MID1IP1: variants seen among roughly 807,000 people sequenced by gnomAD.
MID1IP1 encodes mid1-interacting protein 1.
Under a neutral mutation model 6.8 loss-of-function variants are expected in MID1IP1, and 3 were observed. The ratio of observed to expected loss-of-function variants is 0.44; its 90% CI spans 0.20 to 1.14. The LOEUF is 1.14. MID1IP1 is among the 50% of genes most tolerant of loss of function. The probability of loss-of-function intolerance (pLI) is 0.26; values close to 1 mark genes in which losing one functional copy is unlikely to be tolerated. For synonymous variants in MID1IP1, 87 were observed against 70.4 expected, an observed-to-expected ratio of 1.24 and a Z score of -1.18; for missense variants, 127 against 158.4, an observed-to-expected ratio of 0.80 and a Z score of 1.06.
In MID1IP1 at chrX:38,803,711, G is replaced by C. The variant is rs1465132523; in HGVS notation, c.-967G>C. On this transcript the variant is annotated 5_prime_UTR_variant, in exon 2 of 3. Coordinates refer to ENST00000614558, the MANE Select transcript of MID1IP1 (RefSeq NM_021242.6). ...TGCCCGGTCACCCTTTATTACGTAA[G>C]AGTCCCAGGATGGAGTTGTACCTGC... 8.9e-6 allele frequency: 1 copy of C among 112,726 alleles called. No homozygotes were observed. Among genetic ancestry groups the C allele is most frequent in the African/African-American group, 3.2e-5 (1 of 31,002 alleles). The allele number at this position is 112,726 out of a possible 1,213,427, so 9.3% of individuals were successfully genotyped here.
At position 38,805,491 on chromosome X, in the gene MID1IP1, G is replaced by A. The variant is rs143008624; in HGVS notation, c.545G>A (p.Gly182Asp). 4,206 of 1,204,749 alleles carry A rather than the reference G, an allele frequency of 3.5e-3. 9 individuals carry two copies. The highest frequency in any genetic ancestry group is 4.5e-3 in the Admixed American group (202 of 45,392). ...CAGGAGATCGGCTTCGGCAATTGGG[G>A]CCACTGAGGCGTGGCGCCCGTGGCT... The part of the protein sequence containing the change: ...YKQEIGFGNW[G>D]H Residue 182 changes from glycine (G) to aspartate (D), a missense_variant, in exon 3 of 3, where the codon GGC (glycine) becomes GAC (aspartate). Transcript: ENST00000614558.
Position 38,805,223 on chromosome X carries a change from CTTCTCAA to C in MID1IP1, c.278_284del (p.Leu93ArgfsTer148), listed in dbSNP as rs1275703797. The C allele has an allele frequency of 8.3e-7, 1 of 1,201,789 alleles. No homozygotes were observed. Among genetic ancestry groups the C allele is most frequent in the Non-Finnish European group, 1.1e-6 (1 of 890,294 alleles). ...TCGGGACATGTACAGCCACTACGTGCTTCTCAAGTCCATCCGCAACGACATCGAGTGG... is the reference window on the plus strand; with the variant it reads ...TCGGGACATGTACAGCCACTACGTGCGTCCATCCGCAACGACATCGAGTGG... On this transcript the variant is annotated frameshift_variant, in exon 3 of 3. Transcript: ENST00000614558. LOFTEE classifies it high-confidence loss of function.
At chrX:38,804,659 C>T (rs762487529) in intron 2 of MID1IP1, 24 bp from the exon 3 acceptor site, 7 of 305,095 alleles carry the variant, frequency 2.3e-5, no homozygotes, top group East Asian at 2.0e-4. Context: ...CTAATCTGTT[C>T]TTTCGTCTCC....
At position 38,805,445 on chromosome X, in the gene MID1IP1, A is replaced by G. The variant is rs1463808102; in HGVS notation, c.499A>G (p.Ile167Val). The G allele has an allele frequency of 8.3e-7, 1 of 1,205,917 alleles. No homozygotes were observed. The highest frequency in any genetic ancestry group is 1.1e-6 in the Non-Finnish European group (1 of 894,328). ...CTCGAAACTCACGCGCAAAGCCAAC[A>G]TCCTCACTAACAGATACAAGCAGGA... Reference protein sequence around the residue: ...VLSKLTRKANILTNRYKQEIG... With the variant: ...VLSKLTRKANVLTNRYKQEIG... The change falls in exon 3 of 3, where the codon ATC becomes GTC. Residue 167 changes from isoleucine to valine, a missense_variant. Coordinates refer to ENST00000614558, the MANE Select transcript of MID1IP1 (RefSeq NM_021242.6).
rs1251151670 is a variant in MID1IP1 at position 38,805,643 on chromosome X, G to A, written c.*145G>A. 6.4e-5 allele frequency: 35 copies of A among 548,164 alleles called. No homozygotes were observed. The highest frequency in any genetic ancestry group is 1.8e-5 in the Non-Finnish European group (6 of 341,003). The allele number at this position is 548,164 out of a possible 1,213,427, so 45.2% of individuals were successfully genotyped here. A position where few individuals can be genotyped will look rare whatever the true frequency, so the allele number is the denominator to read the frequency against. ...GCTGCGTACGTGCAGGAGGCGCGGT[G>A]GGGCTGCGTGGAGGAGGGGGCCACG... On this transcript the variant is annotated 3_prime_UTR_variant, in exon 3 of 3. Transcript: ENST00000614558.
At chrX:38,804,499 G>GGA (rs2070493208) in intron 2 of MID1IP1, 86 bp downstream of exon 2, 2 of 120,290 alleles carry the variant, frequency 1.7e-5, no homozygotes, top group South Asian at 7.0e-4. Context: ...GGTGGTGGGG[G>GGA]GACACCCTTC....
rs1378155847 is a variant in MID1IP1, at chrX:38,805,536, C to T, written c.*38C>T. ...GTGGCTGCCCAGCACCTTCTTCGAC[C>T]CATCTCACCCTCTCTCATTCCTCAA... On this transcript the variant is annotated 3_prime_UTR_variant, in exon 3 of 3. Transcript: ENST00000614558. 8.8e-7 allele frequency: 1 copy of T among 1,134,248 alleles called. No individual in the cohort carries two copies. The highest frequency in any genetic ancestry group is 1.2e-6 in the Non-Finnish European group (1 of 831,768). 93.5% of individuals were successfully genotyped at this position (1,134,248 alleles called of 1,213,427 possible).
Position 38,805,271 on chromosome X carries a change from C to T in MID1IP1, c.325C>T (p.Pro109Ser), listed in dbSNP as rs750447917. ...CATCGAGTGGGGGGTCCTGCACCAG[C>T]CGCCTCCACCGGCTGGGAGCGAGGA... is the stretch of plus-strand genomic sequence containing the variant. ...NDIEWGVLHQ[P>S]PPPAGSEEGS... Residue 109 changes from proline (P) to serine (S), a missense_variant, in exon 3 of 3, where the codon CCG becomes TCG. Transcript: ENST00000614558. 6 of 1,198,023 alleles carry T rather than the reference C, an allele frequency of 5.0e-6. No individual in the cohort carries two copies. In the African/African-American group the frequency reaches 8.8e-5, roughly 18 times the overall value.
Position 38,802,599 on chromosome X carries a change from G to C in MID1IP1, c.-2079G>C, listed in dbSNP as rs1460156990. ...GACAATTAGGAAGATGGTTTTCTAT[G>C]GAAAATATTTAAGTGTAGGTCTTAA... is the stretch of plus-strand genomic sequence containing the variant. On this transcript the variant is annotated 5_prime_UTR_variant, in exon 2 of 3. An upstream start codon of the reference 5' UTR is lost. Coordinates refer to ENST00000614558, the MANE Select transcript of MID1IP1 (RefSeq NM_021242.6). The C allele has an allele frequency of 8.9e-6, 1 of 111,868 alleles. No individual in the cohort carries two copies. The highest frequency in any genetic ancestry group is 1.9e-5 in the Non-Finnish European group (1 of 53,175). 9.2% of individuals were successfully genotyped at this position (111,868 alleles called of 1,213,427 possible).
In MID1IP1 at chrX:38,803,741, G is replaced by C. The variant is rs1416017721; in HGVS notation, c.-937G>C. On this transcript the variant is annotated 5_prime_UTR_variant, in exon 2 of 3. Transcript: ENST00000614558. The stretch of plus-strand genomic sequence containing the variant: ...CCAGGATGGAGTTGTACCTGCTGCC[G>C]GCCCCTCTTCCCCGACGGCTAATAA... 2.7e-5 allele frequency: 3 copies of C among 112,614 alleles called. No individual in the cohort carries two copies. Among genetic ancestry groups the C allele is most frequent in the Admixed American group, 9.3e-5 (1 of 10,779 alleles). The allele number at this position is 112,614 out of a possible 1,213,427, so 9.3% of individuals were successfully genotyped here.
Position 38,804,849 on chromosome X carries a change from G to A in MID1IP1, c.-98G>A. The A allele has an allele frequency of 1.1e-6, 1 of 909,626 alleles. No individual in the cohort carries two copies. The highest frequency in any genetic ancestry group is 1.5e-6 in the Non-Finnish European group (1 of 670,623). The allele number at this position is 909,626 out of a possible 1,213,427, so 75.0% of individuals were successfully genotyped here. A position where few individuals can be genotyped will look rare whatever the true frequency, so the allele number is the denominator to read the frequency against. ...CACCGGCTATAGCCAGGCCCCCAGC[G>A]CGGGCCTTGGAGAGCGCGTGAAGGC... On this transcript the variant is annotated 5_prime_UTR_variant, in exon 3 of 3. Coordinates refer to ENST00000614558, the MANE Select transcript of MID1IP1 (RefSeq NM_021242.6).
At position 38,804,772 on chromosome X, in the gene MID1IP1, T is replaced by C. The variant is rs774290149; in HGVS notation, c.-175T>C. On this transcript the variant is annotated 5_prime_UTR_variant, in exon 3 of 3. Coordinates refer to ENST00000614558, the MANE Select transcript of MID1IP1 (RefSeq NM_021242.6). ...AGCCGCCCATCCCGCAGGGCCGGTCTGCCAGCGAGACGAGAGTTGGCGAGG... is the reference window on the plus strand; with the variant it reads ...AGCCGCCCATCCCGCAGGGCCGGTCCGCCAGCGAGACGAGAGTTGGCGAGG... The C allele has an allele frequency of 3.5e-4, 170 of 489,678 alleles. No individual in the cohort carries two copies. In the African/African-American group the frequency reaches 3.8e-3, roughly 11 times the overall value. The allele number at this position is 489,678 out of a possible 1,213,427, so 40.4% of individuals were successfully genotyped here.
chrX:38,804,844 C>G lies in MID1IP1; in HGVS notation c.-103C>G. On this transcript the variant is annotated 5_prime_UTR_variant, in exon 3 of 3. Transcript: ENST00000614558. Reference sequence around the variant, plus strand: ...CGCCACACCGGCTATAGCCAGGCCCCCAGCGCGGGCCTTGGAGAGCGCGTG... The same window carrying G: ...CGCCACACCGGCTATAGCCAGGCCCGCAGCGCGGGCCTTGGAGAGCGCGTG... The G allele has an allele frequency of 2.3e-6, 2 of 874,643 alleles. No homozygotes were observed. Among genetic ancestry groups the G allele is most frequent in the Non-Finnish European group, 1.6e-6 (1 of 639,466 alleles). The allele number at this position is 874,643 out of a possible 1,213,427, so 72.1% of individuals were successfully genotyped here. A position where few individuals can be genotyped will look rare whatever the true frequency, so the allele number is the denominator to read the frequency against.
At position 38,802,714 on chromosome X, in the gene MID1IP1, G is replaced by A. The variant is rs1430772910; in HGVS notation, c.-1964G>A. 1.8e-5 allele frequency: 2 copies of A among 111,681 alleles called. No homozygotes were observed. Among genetic ancestry groups the A allele is most frequent in the Non-Finnish European group, 3.8e-5 (2 of 53,106 alleles). 9.2% of individuals were successfully genotyped at this position (111,681 alleles called of 1,213,427 possible). A position where few individuals can be genotyped will look rare whatever the true frequency, so the allele number is the denominator to read the frequency against. Reference sequence around the variant, plus strand: ...GTCCCGTGGGAAAAAACTGTACTAGGGACAGAGACCTCTGTTAAGTTTTAG... The same window carrying A: ...GTCCCGTGGGAAAAAACTGTACTAGAGACAGAGACCTCTGTTAAGTTTTAG... On this transcript the variant is annotated 5_prime_UTR_variant, in exon 2 of 3. Transcript: ENST00000614558.
Position 38,805,092 on chromosome X carries a change from A to G in MID1IP1, c.146A>G (p.Asp49Gly). Residue 49 changes from aspartate (D) to glycine (G), a missense_variant, in exon 3 of 3, where the codon GAC (aspartate) becomes GGC (glycine). Coordinates refer to ENST00000614558, the MANE Select transcript of MID1IP1 (RefSeq NM_021242.6). ...GTGCCCCTGGCTGACCCCGGGTTAG[A>G]CAACGATGTTGGCGTGGAGGTAGGC... ...RDVPLADPGLDNDVGVEVGGS... is the reference protein window; with the variant it reads ...RDVPLADPGLGNDVGVEVGGS... 1 of 1,211,484 alleles carries G rather than the reference A, an allele frequency of 8.3e-7. No homozygotes were observed. The highest frequency in any genetic ancestry group is 3.0e-5 in the East Asian group (1 of 33,800).
intron 1 of MID1IP1, among the ~76,000 whole-genome samples, chrX:38,802,183 A>G (rs892017617): frequency 1.8e-5 from 2 of 112,200 alleles, no homozygotes; most frequent in African/African-American, 3.2e-5. Flanking sequence ...TTACATAGTG[A>G]TTTTTATTTA....
chrX:38,806,094 C>T lies in MID1IP1; in HGVS notation c.*596C>T, dbSNP rs183405109. ...CATTGTGATAAGCGCACAAACAGCA[C>T]TGTCTGTCGGTAATCGGTACTACTT... is the stretch of plus-strand genomic sequence containing the variant. On this transcript the variant is annotated 3_prime_UTR_variant, in exon 3 of 3. Coordinates refer to ENST00000614558, the MANE Select transcript of MID1IP1 (RefSeq NM_021242.6). The T allele has an allele frequency of 2.1e-3, 268 of 127,995 alleles. 1 individual carries two copies. The highest frequency in any genetic ancestry group is 8.3e-3 in the African/African-American group (257 of 30,974). 10.5% of individuals were successfully genotyped at this position (127,995 alleles called of 1,213,427 possible).
chrX:38,805,858 C>T lies in MID1IP1; in HGVS notation c.*360C>T. On this transcript the variant is annotated 3_prime_UTR_variant, in exon 3 of 3. Coordinates refer to ENST00000614558, the MANE Select transcript of MID1IP1 (RefSeq NM_021242.6). Reference sequence around the variant, plus strand: ...GAGAAGGGGCCATACCAGGGCGCGGCGCTGGGTTGCCACACTTGGGAAAGC... The same window carrying T: ...GAGAAGGGGCCATACCAGGGCGCGGTGCTGGGTTGCCACACTTGGGAAAGC... 1 of 193,768 alleles carries T rather than the reference C, an allele frequency of 5.2e-6. No individual in the cohort carries two copies. 16.0% of individuals were successfully genotyped at this position (193,768 alleles called of 1,213,427 possible).
At chrX:38,801,606 G>A (rs2070454432) in intron 1 of MID1IP1, 119 bp downstream of exon 1, 1 of 111,365 alleles carries the variant, frequency 9.0e-6, no homozygotes, top group Non-Finnish European at 1.9e-5. Flanking sequence ...AGCGGCCAGA[G>A]TCAAGAAACT....
Sources: gnomAD v4.1 joint callset for allele counts (sites outside exome capture counted in the v4.1 genomes callset) on GRCh38, gnomAD v4.1.1 for gene constraint, MANE v1.5 for transcripts, NCBI Gene and HGNC (gene_info 2026-07-23, HGNC 2026-07-21) for gene names.